Variants in PCDHA11 observed in about 807,000 individuals in gnomAD.
PCDHA11 encodes the protein protocadherin alpha-11.
PCDHA11 carries 61 observed loss-of-function variants against 70.3 expected under a neutral mutation model. The ratio of observed to expected loss-of-function variants is 0.87; its 90% CI spans 0.71 to 1.07. PCDHA11 has a LOEUF of 1.07. Ranked by LOEUF, PCDHA11 falls within the 50% of genes least tolerant of loss-of-function variation. The pLI is 0.00. For synonymous variants in PCDHA11, 633 were observed against 555.1 expected (o/e 1.14, Z -1.97); for missense variants, 1,324 against 1,237.5 (o/e 1.07, Z -1.05).
At position 141,010,202 on chromosome 5, in the gene PCDHA11, GC is replaced by G. The variant is rs1308553255; in HGVS notation, c.*267del. 6.4e-7 allele frequency: 1 copy of G among 1,551,944 alleles called. No individual in the cohort carries two copies. The highest frequency in any genetic ancestry group is 8.7e-7 in the Non-Finnish European group (1 of 1,147,050). The stretch of plus-strand genomic sequence containing the variant: ...CAGACCCAAGTTTCCTTTCTCCTCC[GC>G]CGCAAAGGAGAGGCTTCCCAGCCCC... On this transcript the variant is annotated 3_prime_UTR_variant, in exon 4 of 4. Transcript: ENST00000398640.
intron 3 of PCDHA11, among the ~76,000 whole-genome samples, chr5:141,007,395 C>CAAAAAAAAAAAAAA (rs35800918): frequency 1.1e-5 from 1 of 94,866 alleles, no homozygotes; most frequent in Non-Finnish European, 2.1e-5. Context: ...TACTAAAATA[C>CAAAAAAAAAAAAAA]AAAAAAAAAA....
At chr5:140,882,884 C>T (rs782007101) in intron 1 of PCDHA11, 3 of 1,614,184 alleles carry the variant, frequency 1.9e-6, no homozygotes, top group Middle Eastern at 3.3e-4. Context: ...AGAGGAAATT[C>T]AGGAACATAG....
At chr5:140,882,129 T>C (rs2153382855) in intron 1 of PCDHA11, 5 of 1,473,110 alleles carry the variant, frequency 3.4e-6, no homozygotes, top group Non-Finnish European at 2.7e-6. Context: ...TCTTTCTTCC[T>C]GCAGAAAATA....
At chr5:140,916,377 C>T (rs1436518298) in intron 1 of PCDHA11, among the ~76,000 whole-genome samples, 4 of 152,092 alleles carry the variant, frequency 2.6e-5, no homozygotes, top group African/African-American at 9.7e-5. Flanking sequence ...CTGTAGCCAC[C>T]ACAACTAGGA....
intron 1 of PCDHA11, among the ~76,000 whole-genome samples, chr5:140,951,791 A>T (rs375226786): frequency 1.3e-5 from 2 of 152,228 alleles, no homozygotes; most frequent in Non-Finnish European, 2.9e-5. Context: ...AAATACAATT[A>T]TCCCTTCCCA....
chr5:140,913,955 AT>A (rs2076529735), intron 1 of PCDHA11, among the ~76,000 whole-genome samples: 2 of 152,108 alleles, frequency 1.3e-5, no homozygotes, highest in African/African-American at 2.4e-5. Context: ...ATATGATATC[AT>A]TTTTAAAAAA....
At chr5:140,879,086 A>G (rs1182722619) in intron 1 of PCDHA11, among the ~76,000 whole-genome samples, 2 of 152,226 alleles carry the variant, frequency 1.3e-5, no homozygotes, top group Admixed American at 6.5e-5. Context: ...ATAAGTAGGA[A>G]CAACTGCACA....
chr5:140,883,686 A>G (rs1380292802), intron 1 of PCDHA11: 1 of 1,613,664 alleles, frequency 6.2e-7, no homozygotes, highest in East Asian at 2.2e-5. Flanking sequence ...CCGGGCTGCC[A>G]CATCTTCACG....
rs1562773759 is a variant in PCDHA11 at position 140,882,388 on chromosome 5, A to G, written c.2391+10894A>G. 2.5e-6 allele frequency: 4 copies of G among 1,614,158 alleles called. No individual in the cohort carries two copies. The African/African-American group carries it at 4.0e-5, about 16-fold the overall frequency. Reference sequence around the variant, plus strand: ...ACTACTCCGTCCCCGAGGAAGCAAAACACGGCACCTTCGTGGGCCGCATCG... The same window carrying G: ...ACTACTCCGTCCCCGAGGAAGCAAAGCACGGCACCTTCGTGGGCCGCATCG... On this transcript the variant is annotated intron_variant, in intron 1 of 3. Transcript: ENST00000398640.
chr5:140,981,974 A>G (rs782298715), intron 2 of PCDHA11, among the ~76,000 whole-genome samples: 6 of 152,232 alleles, frequency 3.9e-5, no homozygotes, highest in Non-Finnish European at 8.8e-5. Context: ...AGATATAGAA[A>G]GAGTAAAATA....
At chr5:140,876,101 T>C (rs2056113076) in intron 1 of PCDHA11, 1 of 1,613,984 alleles carries the variant, frequency 6.2e-7, no homozygotes, top group East Asian at 2.2e-5. Flanking sequence ...AAACTCAATT[T>C]ATTGCTGATG....
chr5:140,878,899 G>A (rs1301967468), intron 1 of PCDHA11, among the ~76,000 whole-genome samples: 2 of 152,152 alleles, frequency 1.3e-5, no homozygotes, highest in African/African-American at 4.8e-5. Flanking sequence ...CTACAGGCAG[G>A]CTCCACCACT....
At chr5:140,896,019 C>A (rs2065310725) in intron 1 of PCDHA11, among the ~76,000 whole-genome samples, 1 of 152,144 alleles carries the variant, frequency 6.6e-6, no homozygotes, top group African/African-American at 2.4e-5. Flanking sequence ...CCATGTTGGC[C>A]AGGCTGGTCT....
At chr5:140,883,507 G>A (rs782325165) in intron 1 of PCDHA11, 2 of 1,614,200 alleles carry the variant, frequency 1.2e-6, no homozygotes, top group Admixed American at 1.7e-5. Context: ...ACAGCGCCCT[G>A]GACCGCGAGA....
chr5:140,928,834 T>G, intron 1 of PCDHA11: 3 of 1,614,178 alleles, frequency 1.9e-6, no homozygotes, highest in Non-Finnish European at 2.5e-6. Flanking sequence ...ACCACTTTCC[T>G]CCTCTGTCAC....
chr5:141,010,152 T>C lies in PCDHA11; in HGVS notation c.*215T>C. The C allele has an allele frequency of 1.3e-6, 2 of 1,575,858 alleles. No individual in the cohort carries two copies. The highest frequency in any genetic ancestry group is 1.7e-6 in the Non-Finnish European group (2 of 1,159,570). On this transcript the variant is annotated 3_prime_UTR_variant, in exon 4 of 4. Coordinates refer to ENST00000398640, the MANE Select transcript of PCDHA11 (RefSeq NM_018902.5). ...TGGTGTTAACTCTTTCTCTCCACTCTGGCTTGTTTTCAGAACCTAAAAAGC... is the reference window on the plus strand; with the variant it reads ...TGGTGTTAACTCTTTCTCTCCACTCCGGCTTGTTTTCAGAACCTAAAAAGC...
chr5:141,000,387 C>CTA (rs2097910380), intron 3 of PCDHA11, among the ~76,000 whole-genome samples: 5 of 66,898 alleles, frequency 7.5e-5, no homozygotes, highest in Non-Finnish European at 1.1e-4. Context: ...CTCTCTCTCT[C>CTA]TCTCTCTCTA....
chr5:140,980,628 CAGA>C (rs1554242055), intron 2 of PCDHA11, among the ~76,000 whole-genome samples: 1 of 150,868 alleles, frequency 6.6e-6, no homozygotes, highest in Non-Finnish European at 1.5e-5. Flanking sequence ...GACTCTGTCT[CAGA>C]AGAATAAATA....
chr5:140,953,778 A>G (rs782648195), intron 1 of PCDHA11, among the ~76,000 whole-genome samples: 1 of 151,986 alleles, frequency 6.6e-6, no homozygotes, highest in Non-Finnish European at 1.5e-5. Flanking sequence ...ATATTTATTT[A>G]TTTTTTTCTT....
Sources: gnomAD v4.1 joint callset for allele counts (sites outside exome capture counted in the v4.1 genomes callset) on GRCh38, gnomAD v4.1.1 for gene constraint, MANE v1.5 for transcripts, NCBI Gene and HGNC (gene_info 2026-07-23, HGNC 2026-07-21) for gene names.